The following FGF8 variants were observed in gnomAD, a reference collection of about 807,000 sequenced individuals.
The protein encoded by FGF8 is androgen-induced growth factor.
A neutral mutation model predicts 29.7 loss-of-function variants in FGF8; 12 were observed. The observed-to-expected ratio is 0.40, with a 90% CI of 0.26 to 0.65. The LOEUF (loss-of-function observed/expected upper bound fraction) is 0.65, where lower values mean the gene tolerates loss of function less well. Ranked by LOEUF, FGF8 falls within the 30% of genes least tolerant of loss-of-function variation. The pLI, the probability that FGF8 is intolerant of heterozygous loss-of-function variation, is 0.37. For missense variants in FGF8, 271 were observed against 345.1 expected, an observed-to-expected ratio of 0.79 and a Z score of 1.70; for synonymous variants, 157 against 144.4, an observed-to-expected ratio of 1.09 and a Z score of -0.63.
Position 101,772,187 on chromosome 10 carries a change from G to A in FGF8, c.338-618C>T, listed in dbSNP as rs2065035893. ...GGGGACAGCTCTCCCTAAACACACAGCCCAAAGCAGGCTGCTTTCCCAGAA... is the reference window on the plus strand; with the variant it reads ...GGGGACAGCTCTCCCTAAACACACAACCCAAAGCAGGCTGCTTTCCCAGAA... On this transcript the variant is annotated intron_variant, in intron 4 of 5. Transcript: ENST00000320185. This position sits in a 1 kb window ranked among gnomAD's most constrained non-coding sequence, Gnocchi z 4.4. Among the ~76,000 whole-genome samples the A allele has an allele frequency of 6.6e-6, 1 of 152,220 alleles. No individual in the cohort carries two copies.
chr10:101,777,571 G>A (rs1415051407), upstream of FGF8, among the ~76,000 whole-genome samples: 1 of 152,248 alleles, frequency 6.6e-6, no homozygotes, highest in Non-Finnish European at 1.5e-5. Context: ...GTTAGAGGGT[G>A]CGTTCCAAGA....
Position 101,775,730 on chromosome 10 carries a change from C to A in FGF8, c.69+10G>T. ...GCGCCCGGCCCCCGCCTCCGCGCACCCCTCCTCACCTGGGCTTGGAGGCAG... is the reference window on the plus strand; with the variant it reads ...GCGCCCGGCCCCCGCCTCCGCGCACACCTCCTCACCTGGGCTTGGAGGCAG... On this transcript the variant is annotated intron_variant, in intron 2 of 5. Coordinates refer to ENST00000320185, the MANE Select transcript of FGF8 (RefSeq NM_033163.5). The surrounding 1 kb of genome is among the most constrained non-coding windows in gnomAD (Gnocchi z 4.6). 6.5e-7 allele frequency: 1 copy of A among 1,544,722 alleles called. No individual in the cohort carries two copies. The highest frequency in any genetic ancestry group is 8.7e-7 in the Non-Finnish European group (1 of 1,145,728).
chr10:101,775,343 C>G lies in FGF8; in HGVS notation c.70-127G>C, dbSNP rs530427196. 397 of 707,460 alleles carry G rather than the reference C, an allele frequency of 5.6e-4. 1 individual carries two copies. Among genetic ancestry groups the G allele is most frequent in the Non-Finnish European group, 8.3e-4 (336 of 405,282 alleles). 43.8% of individuals were successfully genotyped at this position (707,460 alleles called of 1,614,324 possible). A position where few individuals can be genotyped will look rare whatever the true frequency, so the allele number is the denominator to read the frequency against. On this transcript the variant is annotated intron_variant, in intron 2 of 5. Transcript: ENST00000320185. The surrounding 1 kb of genome is among the most constrained non-coding windows in gnomAD (Gnocchi z 4.6). Reference sequence around the variant, plus strand: ...TGGGCACCCGATCATTGGGCCAAATCGGCCACAAGCCTCCCCCGAGGGGCG... The same window carrying G: ...TGGGCACCCGATCATTGGGCCAAATGGGCCACAAGCCTCCCCCGAGGGGCG...
At chr10:101,780,326 G>C (rs958070938), upstream of FGF8, 1 of 152,284 alleles carries the variant, frequency 6.6e-6, no homozygotes, top group African/African-American at 2.4e-5. Flanking sequence ...CCTTCACTAG[G>C]GATGCGCTGA....
rs1371739557 is a variant in FGF8 at position 101,770,154 on chromosome 10, A to C, written c.*175T>G. 3.1e-5 allele frequency: 17 copies of C among 550,880 alleles called. No homozygotes were observed. The highest frequency in any genetic ancestry group is 1.1e-4 in the South Asian group (4 of 35,388). 34.1% of individuals were successfully genotyped at this position (550,880 alleles called of 1,614,324 possible). Reference sequence around the variant, plus strand: ...TCTCTTTTGTTTTAAAAAAAAAAAAAAAAAAAAAAACAGCAAAAACCCAAC... The same window carrying C: ...TCTCTTTTGTTTTAAAAAAAAAAAACAAAAAAAAAACAGCAAAAACCCAAC... On this transcript the variant is annotated 3_prime_UTR_variant, in exon 6 of 6. Transcript: ENST00000320185.
At chr10:101,780,039 C>A (rs1018569610), upstream of FGF8, among the ~76,000 whole-genome samples, 3 of 152,236 alleles carry the variant, frequency 2.0e-5, no homozygotes, top group Non-Finnish European at 2.9e-5. Flanking sequence ...CGACCACGAG[C>A]GGCTTCAACC....
rs778012825 is a variant in FGF8 at position 101,771,369 on chromosome 10, T to C, written c.444+94A>G. 7.8e-5 allele frequency: 73 copies of C among 938,406 alleles called. No individual in the cohort carries two copies. Among genetic ancestry groups the C allele is most frequent in the Non-Finnish European group, 1.2e-4 (68 of 572,252 alleles). The allele number at this position is 938,406 out of a possible 1,614,324, so 58.1% of individuals were successfully genotyped here. The stretch of plus-strand genomic sequence containing the variant: ...GCCCTGTGGCCTTCTGCCTACCTTG[T>C]TGGGATCAGAGCCCAGGACTGTCTT... On this transcript the variant is annotated intron_variant, in intron 5 of 5. Coordinates refer to ENST00000320185, the MANE Select transcript of FGF8 (RefSeq NM_033163.5). The surrounding 1 kb of genome is among the most constrained non-coding windows in gnomAD (Gnocchi z 5.3).
At chr10:101,776,751 C>G (rs1307002892), upstream of FGF8, among the ~76,000 whole-genome samples, 6 of 152,176 alleles carry the variant, frequency 3.9e-5, no homozygotes, top group East Asian at 1.2e-3. Context: ...TCCTGTCGGT[C>G]TCTCCAGTCT....
Position 101,775,906 on chromosome 10 carries a change from G to T in FGF8, c.-6C>A. ...GCGGAGCGGGGGCTGCCCATGGCGCGCGGCCCCGGGGCACCGAGAGCCCGG... is the reference window on the plus strand; with the variant it reads ...GCGGAGCGGGGGCTGCCCATGGCGCTCGGCCCCGGGGCACCGAGAGCCCGG... On this transcript the variant is annotated 5_prime_UTR_variant, in exon 1 of 6. Transcript: ENST00000320185. The surrounding 1 kb of genome is among the most constrained non-coding windows in gnomAD (Gnocchi z 4.6). 7.9e-7 allele frequency: 1 copy of T among 1,266,676 alleles called. No individual in the cohort carries two copies. The highest frequency in any genetic ancestry group is 9.9e-7 in the Non-Finnish European group (1 of 1,013,012). 78.5% of individuals were successfully genotyped at this position (1,266,676 alleles called of 1,614,324 possible). A position where few individuals can be genotyped will look rare whatever the true frequency, so the allele number is the denominator to read the frequency against.
Position 101,775,639 on chromosome 10 carries a change from C to T in FGF8, c.69+101G>A. The T allele has an allele frequency of 1.4e-6, 2 of 1,389,146 alleles. No individual in the cohort carries two copies. The highest frequency in any genetic ancestry group is 2.0e-6 in the Non-Finnish European group (2 of 1,025,154). The allele number at this position is 1,389,146 out of a possible 1,614,324, so 86.1% of individuals were successfully genotyped here. On this transcript the variant is annotated intron_variant, in intron 2 of 5. Transcript: ENST00000320185. The surrounding 1 kb of genome is among the most constrained non-coding windows in gnomAD (Gnocchi z 4.6). ...GTTTCTAAGGTGCCCTCAGCCCTCC[C>T]GCGCCGGCCGCAGAGTCAGTCCCGG...
upstream of FGF8, among the ~76,000 whole-genome samples, chr10:101,779,014 C>A (rs2065119757): frequency 6.6e-6 from 1 of 152,174 alleles, no homozygotes; most frequent in African/African-American, 2.4e-5. This position sits in a 1 kb window ranked among gnomAD's most constrained non-coding sequence, Gnocchi z 5.7. Context: ...CACACACACG[C>A]ACAGACACAA....
chr10:101,771,371 G>T lies in FGF8; in HGVS notation c.444+92C>A. ...CCTGTGGCCTTCTGCCTACCTTGTT[G>T]GGATCAGAGCCCAGGACTGTCTTGG... On this transcript the variant is annotated intron_variant, in intron 5 of 5. Transcript: ENST00000320185. The surrounding 1 kb of genome is among the most constrained non-coding windows in gnomAD (Gnocchi z 5.3). 1.1e-6 allele frequency: 1 copy of T among 948,640 alleles called. No individual in the cohort carries two copies. The highest frequency in any genetic ancestry group is 1.3e-5 in the South Asian group (1 of 76,814). 58.8% of individuals were successfully genotyped at this position (948,640 alleles called of 1,614,324 possible).
chr10:101,775,394 C>A lies in FGF8; in HGVS notation c.70-178G>T, dbSNP rs2065075612. On this transcript the variant is annotated intron_variant, in intron 2 of 5. Coordinates refer to ENST00000320185, the MANE Select transcript of FGF8 (RefSeq NM_033163.5). This position sits in a 1 kb window ranked among gnomAD's most constrained non-coding sequence, Gnocchi z 4.6. The stretch of plus-strand genomic sequence containing the variant: ...CTGAGAGGGTCTCTGCTGCAGTCAC[C>A]CGGCTTCCCCTGGCATCGAACATCC... The A allele has an allele frequency of 4.9e-6, 3 of 608,812 alleles. No individual in the cohort carries two copies. Among genetic ancestry groups the A allele is most frequent in the Non-Finnish European group, 5.8e-6 (2 of 342,310 alleles). 37.7% of individuals were successfully genotyped at this position (608,812 alleles called of 1,614,324 possible).
rs943874999 is a variant in FGF8, at chr10:101,771,391, T to C, written c.444+72A>G. The C allele has an allele frequency of 8.8e-7, 1 of 1,135,522 alleles. No individual in the cohort carries two copies. Among genetic ancestry groups the C allele is most frequent in the Non-Finnish European group, 1.3e-6 (1 of 745,894 alleles). The allele number at this position is 1,135,522 out of a possible 1,614,324, so 70.3% of individuals were successfully genotyped here. Reference sequence around the variant, plus strand: ...TTGTTGGGATCAGAGCCCAGGACTGTCTTGGAGGAGTCCAGCCAGCCCAAG... The same window carrying C: ...TTGTTGGGATCAGAGCCCAGGACTGCCTTGGAGGAGTCCAGCCAGCCCAAG... On this transcript the variant is annotated intron_variant, in intron 5 of 5. Transcript: ENST00000320185. The surrounding 1 kb of genome is among the most constrained non-coding windows in gnomAD (Gnocchi z 5.3).
At chr10:101,773,203 G>T (rs3218233) in intron 4 of FGF8, among the ~76,000 whole-genome samples, 1 of 152,156 alleles carries the variant, frequency 6.6e-6, no homozygotes, top group African/African-American at 2.4e-5. Flanking sequence ...GAGAGAAGTG[G>T]ACATCAGGCT....
At position 101,775,838 on chromosome 10, in the gene FGF8, G is replaced by T. The variant is rs770331509; in HGVS notation, c.32+31C>A. 6.6e-7 allele frequency: 1 copy of T among 1,518,296 alleles called. No homozygotes were observed. Among genetic ancestry groups the T allele is most frequent in the South Asian group, 1.2e-5 (1 of 82,198 alleles). The allele number at this position is 1,518,296 out of a possible 1,614,324, so 94.1% of individuals were successfully genotyped here. Reference sequence around the variant, plus strand: ...GGGTGAGGCGAGGGGCGCGGGGGGCGGGTGGCGGGGCAGGGCGGCGCGGTA... The same window carrying T: ...GGGTGAGGCGAGGGGCGCGGGGGGCTGGTGGCGGGGCAGGGCGGCGCGGTA... On this transcript the variant is annotated intron_variant, in intron 1 of 5. Transcript: ENST00000320185. The surrounding 1 kb of genome is among the most constrained non-coding windows in gnomAD (Gnocchi z 4.6).
Position 101,770,578 on chromosome 10 carries a change from C to T in FGF8, c.486G>A (p.Val162=), listed in dbSNP as rs528055284. ...KGKDCVFTEI[V]LENNYTALQN... ...GCAGCGCTGTGTAGTTGTTCTCCAG[C>T]ACAATCTCCGTGAAGACGCAGTCCT... is the stretch of plus-strand genomic sequence containing the variant. Residue 162 remains valine (V), a synonymous_variant, in exon 6 of 6, where the codon GTG becomes GTA. Coordinates refer to ENST00000320185, the MANE Select transcript of FGF8 (RefSeq NM_033163.5). 7 of 1,612,808 alleles carry T rather than the reference C, an allele frequency of 4.3e-6. No individual in the cohort carries two copies. The Admixed American group carries it at 6.7e-5, about 15-fold the overall frequency.
upstream of FGF8, among the ~76,000 whole-genome samples, chr10:101,780,042 C>T (rs2065130494): frequency 6.6e-6 from 1 of 152,222 alleles, no homozygotes; most frequent in Non-Finnish European, 1.5e-5. Flanking sequence ...CCACGAGCGG[C>T]TTCAACCTCG....
At position 101,771,313 on chromosome 10, in the gene FGF8, C is replaced by T. The variant is rs959526133; in HGVS notation, c.444+150G>A. ...CAAACAGCTTCCTTCTCCCTCACTC[C>T]TGCACCCAATCGTGAGGTAACCCCA... On this transcript the variant is annotated intron_variant, in intron 5 of 5. Coordinates refer to ENST00000320185, the MANE Select transcript of FGF8 (RefSeq NM_033163.5). The surrounding 1 kb of genome is among the most constrained non-coding windows in gnomAD (Gnocchi z 5.3). 1.5e-6 allele frequency: 1 copy of T among 686,292 alleles called. No individual in the cohort carries two copies. The highest frequency in any genetic ancestry group is 2.1e-5 in the Admixed American group (1 of 48,456). 42.5% of individuals were successfully genotyped at this position (686,292 alleles called of 1,614,324 possible). A position where few individuals can be genotyped will look rare whatever the true frequency, so the allele number is the denominator to read the frequency against.
Sources: allele counts gnomAD v4.1 joint callset (sites outside exome capture counted in the v4.1 genomes callset), GRCh38; gene constraint gnomAD v4.1.1; non-coding constraint Gnocchi (gnomAD v3.1); transcripts MANE v1.5; gene names NCBI Gene and HGNC (gene_info 2026-07-23, HGNC 2026-07-21).